Variants in GOLGA4 observed in about 807,000 individuals in gnomAD.
GOLGA4 encodes the protein golgin subfamily A member 4.
GOLGA4 carries 169 observed loss-of-function variants against 265.9 expected under a neutral mutation model. That is an observed-to-expected ratio of 0.64 (90% CI 0.56 to 0.72). GOLGA4 has a LOEUF of 0.72. Ranked by LOEUF, GOLGA4 falls within the 30% of genes least tolerant of loss-of-function variation. The pLI, the probability that GOLGA4 is intolerant of heterozygous loss-of-function variation, is 0.00. For synonymous variants in GOLGA4, 923 were observed against 855.8 expected (o/e 1.08, Z -1.37); for missense variants, 2,482 against 2,483.4 (o/e 1.00, Z 0.01).
At chr3:37,362,397 C>T (rs890007393) in intron 23 of GOLGA4, among the ~76,000 whole-genome samples, 2 of 151,018 alleles carry the variant, frequency 1.3e-5, no homozygotes, top group African/African-American at 4.8e-5. Context: ...CCACTACGCC[C>T]GGCTAATTTT....
intron 17 of GOLGA4, among the ~76,000 whole-genome samples, chr3:37,336,792 GAGAA>G (rs1188471973): frequency 4.0e-5 from 6 of 151,452 alleles, no homozygotes; most frequent in South Asian, 2.1e-4. Context: ...GAGAGAGAAA[GAGAA>G]AGAGAAAGAA....
intron 2 of GOLGA4, among the ~76,000 whole-genome samples, chr3:37,274,592 A>T (rs926353714): frequency 6.6e-6 from 1 of 151,496 alleles, no homozygotes; most frequent in Non-Finnish European, 1.5e-5. Context: ...TATTCAGGGG[A>T]CTGAGGCATG....
At chr3:37,254,727 C>T (rs971432899) in intron 2 of GOLGA4, among the ~76,000 whole-genome samples, 2 of 151,524 alleles carry the variant, frequency 1.3e-5, no homozygotes, top group African/African-American at 2.4e-5. Flanking sequence ...TGGTCTCAAT[C>T]TCTTGACTTC....
Position 37,325,352 on chromosome 3 carries a change from C to A in GOLGA4, c.3466C>A (p.Gln1156Lys). The stretch of plus-strand genomic sequence containing the variant: ...GAAGGAAAATACTTTTCTTCAAGAG[C>A]AGCTAGTTGAACTGAAGATGCTGGC... ...SLKENTFLQE[Q>K]LVELKMLAEE... The change falls in exon 14 of 24, where the codon CAG becomes AAG. Residue 1156 changes from glutamine (Q) to lysine (K), a missense_variant. Gln to Lys is a moderately conservative substitution (Grantham distance 53). Coordinates refer to ENST00000361924, the MANE Select transcript of GOLGA4 (RefSeq NM_002078.5). 1 of 1,613,330 alleles carries A rather than the reference C, an allele frequency of 6.2e-7. No individual in the cohort carries two copies. Among genetic ancestry groups the A allele is most frequent in the Non-Finnish European group, 8.5e-7 (1 of 1,179,452 alleles).
intron 21 of GOLGA4, 34 bp from the exon 22 acceptor site, chr3:37,355,062 TCACTG>T (rs776140058): frequency 8.7e-7 from 1 of 1,146,568 alleles, no homozygotes; most frequent in South Asian, 1.2e-5. Context: ...TTTATATGCT[TCACTG>T]TCTGTTAGTG....
At chr3:37,313,965 A>T (rs938368270) in intron 10 of GOLGA4, among the ~76,000 whole-genome samples, 6 of 143,394 alleles carry the variant, frequency 4.2e-5, no homozygotes, top group Non-Finnish European at 6.1e-5. Context: ...ACACACATGT[A>T]TTTTTTTTTT....
At position 37,325,202 on chromosome 3, in the gene GOLGA4, A is replaced by G. The variant is rs1447801403; in HGVS notation, c.3316A>G (p.Thr1106Ala). 2 of 1,613,354 alleles carry G rather than the reference A, an allele frequency of 1.2e-6. No individual in the cohort carries two copies. The highest frequency in any genetic ancestry group is 2.2e-5 in the East Asian group (1 of 44,850). The change falls in exon 14 of 24, where the codon ACA (threonine) becomes GCA (alanine). Residue 1106 changes from threonine (T) to alanine (A), a missense_variant. Physicochemically the swap from Thr to Ala is moderately conservative, Grantham distance 58 (BLOSUM62 0). This residue lies in a region of GOLGA4 where 1,536 missense variants were observed against 1,483.7 expected (regional missense o/e 1.04). Coordinates refer to ENST00000361924, the MANE Select transcript of GOLGA4 (RefSeq NM_002078.5). The stretch of plus-strand genomic sequence containing the variant: ...GAAGGAAGAAGGTGTTAAGCAGGAT[A>G]CAACATTAAATGAATTACAGGAACA... ...WLKEEGVKQD[T>A]TLNELQEQLK...
chr3:37,262,788 A>G (rs1288325785), intron 2 of GOLGA4, among the ~76,000 whole-genome samples: 1 of 152,168 alleles, frequency 6.6e-6, no homozygotes, highest in Non-Finnish European at 1.5e-5. Flanking sequence ...ATACTGAGTA[A>G]TCCTACCAAA....
chr3:37,266,948 C>A (rs992310352), intron 2 of GOLGA4: 1 of 1,205,340 alleles, frequency 8.3e-7, no homozygotes, highest in East Asian at 5.7e-5. Context: ...GTGGTGAGTC[C>A]TTCCACCGCT....
intron 2 of GOLGA4, among the ~76,000 whole-genome samples, chr3:37,265,117 TTG>T (rs35252934): frequency 0.021 from 3,044 of 147,484 alleles, 85 homozygotes; most frequent in African/African-American, 0.06. Context: ...CATGCTCATA[TTG>T]TGTGTGTGTG....
At chr3:37,318,419 G>GCA (rs1278944232) in intron 11 of GOLGA4, among the ~76,000 whole-genome samples, 1 of 152,046 alleles carries the variant, frequency 6.6e-6, no homozygotes, top group Non-Finnish European at 1.5e-5. Context: ...TCTCTGTGCT[G>GCA]TTCTATTGCT....
intron 2 of GOLGA4, among the ~76,000 whole-genome samples, chr3:37,280,991 C>T (rs1559376895): frequency 6.6e-6 from 1 of 152,048 alleles, no homozygotes; most frequent in Non-Finnish European, 1.5e-5. Context: ...TATTTTTTGC[C>T]TACACATGAC....
At chr3:37,355,232 T>C (rs17036264) in intron 22 of GOLGA4, 45 bp downstream of exon 22, 30,369 of 975,556 alleles carry the variant, frequency 0.031, 622 homozygotes, top group African/African-American at 0.056. Flanking sequence ...ATTTCCCATC[T>C]GTTTATATTC....
rs939440826 is a variant in GOLGA4, at chr3:37,275,967, A to G, written c.163-5991A>G. On this transcript the variant is annotated intron_variant, in intron 2 of 23. Transcript: ENST00000361924. ...AAAGACCTTGACGAAAAGAAGAAAG[A>G]ACCTGCAATTACATCGCAGAACAGC... is the stretch of plus-strand genomic sequence containing the variant. The G allele has an allele frequency of 5.5e-4, 885 of 1,613,372 alleles. 5 individuals carry two copies. Among genetic ancestry groups the G allele is most frequent in the Middle Eastern group, 5.1e-4 (3 of 5,844 alleles).
At chr3:37,351,085 A>T (rs536739482) in intron 21 of GOLGA4, among the ~76,000 whole-genome samples, 4 of 152,254 alleles carry the variant, frequency 2.6e-5, no homozygotes, top group African/African-American at 9.6e-5. Flanking sequence ...AATTGCGGTC[A>T]GTTCTCTCAA....
At chr3:37,264,141 A>C (rs1440485508) in intron 2 of GOLGA4, among the ~76,000 whole-genome samples, 1 of 152,228 alleles carries the variant, frequency 6.6e-6, no homozygotes, top group Non-Finnish European at 1.5e-5. Context: ...TGTGCTGGGC[A>C]TTAGCCTTTG....
At chr3:37,310,018 C>T (rs1188189627) in intron 10 of GOLGA4, among the ~76,000 whole-genome samples, 1 of 152,200 alleles carries the variant, frequency 6.6e-6, no homozygotes, top group Non-Finnish European at 1.5e-5. Flanking sequence ...TTTTGTAGTG[C>T]ATTTCATTCA....
In GOLGA4 at chr3:37,326,329, A is replaced by G. The variant is rs2096970652; in HGVS notation, c.4443A>G (p.Ile1481Met). 6.2e-7 allele frequency: 1 copy of G among 1,611,828 alleles called. No individual in the cohort carries two copies. Among genetic ancestry groups the G allele is most frequent in the Middle Eastern group, 1.7e-4 (1 of 6,048 alleles). The change falls in exon 14 of 24, where the codon ATA (isoleucine) becomes ATG (methionine). Residue 1481 changes from isoleucine (I) to methionine (M), a missense_variant. By Grantham distance (10) the Ile-to-Met change is conservative. This residue lies in a region of GOLGA4 where 942 missense variants were observed against 983.1 expected (regional missense o/e 0.96). Coordinates refer to ENST00000361924, the MANE Select transcript of GOLGA4 (RefSeq NM_002078.5). ...SKEAYEKDEQ[I>M]NLLKEELDQQ... ...AAGCTTATGAAAAGGATGAGCAGAT[A>G]AATTTATTGAAGGAAGAGCTTGATC... is the stretch of plus-strand genomic sequence containing the variant.
rs756187942 is a variant in GOLGA4, at chr3:37,325,445, A to G, written c.3559A>G (p.Ser1187Gly). 1.2e-6 allele frequency: 2 copies of G among 1,610,618 alleles called. No homozygotes were observed. The highest frequency in any genetic ancestry group is 2.2e-5 in the South Asian group (2 of 90,208). Residue 1187 changes from serine (S) to glycine (G), a missense_variant, in exon 14 of 24, where the codon AGT becomes GGT. By Grantham distance (56) the Ser-to-Gly change is moderately conservative. Around this residue, in one of 3 missense-constraint regions of GOLGA4, gnomAD observed 1,536 missense variants for 1,483.7 expected, o/e 1.04. Coordinates refer to ENST00000361924, the MANE Select transcript of GOLGA4 (RefSeq NM_002078.5). ...GAAAACCACAGATGAAGAATTCCAG[A>G]GTTTGAAATCTTCACATGAAAAAAG... The part of the protein sequence containing the change: ...KLKTTDEEFQ[S>G]LKSSHEKSNK...
Sources: allele counts gnomAD v4.1 joint callset (sites outside exome capture counted in the v4.1 genomes callset), GRCh38; gene constraint gnomAD v4.1.1; regional missense constraint gnomAD v4.1.1; transcripts MANE v1.5; gene names NCBI Gene and HGNC (gene_info 2026-07-23, HGNC 2026-07-21).